Variants in GRIFIN observed in about 807,000 individuals in gnomAD.
GRIFIN encodes putative grifin.
A neutral mutation model predicts 18.2 loss-of-function variants in GRIFIN; 22 were observed. The observed-to-expected ratio is 1.21, with a 90% CI of 0.86 to 1.73. The LOEUF (loss-of-function observed/expected upper bound fraction) is 1.73, where lower values mean the gene tolerates loss of function less well. Among genes scored for constraint, GRIFIN ranks in the 40% most tolerant of loss-of-function variants. GRIFIN has a pLI of 0.00. For missense variants in GRIFIN, 200 were observed against 190.1 expected (o/e 1.05, Z -0.31); for synonymous variants, 101 against 82.8 (o/e 1.22, Z -1.19).
chr7:2,475,716 C>T lies in GRIFIN; in HGVS notation c.205G>A (p.Glu69Lys), dbSNP rs773261909. 1.3e-4 allele frequency: 201 copies of T among 1,549,418 alleles called. No individual in the cohort carries two copies. The highest frequency in any genetic ancestry group is 1.7e-4 in the Non-Finnish European group (196 of 1,152,418). The change falls in exon 3 of 5, where the codon GAG becomes AAG. Residue 69 changes from glutamate to lysine, a missense_variant. Transcript: ENST00000614228. ...AGCGGGAAGATGCTAGACACCTGCT[C>T]CGGGCCCCAGCGGCCGTACTGGAAG... The part of the protein sequence containing the change: ...NAFQYGRWGP[E>K]QVSSIFPLAP...
Position 2,475,880 on chromosome 7 carries a change from C to T in GRIFIN, c.92+40G>A, listed in dbSNP as rs1411284888. The T allele has an allele frequency of 1.9e-6, 3 of 1,588,924 alleles. No individual in the cohort carries two copies. The East Asian group carries it at 6.7e-5, about 36-fold the overall frequency. On this transcript the variant is annotated intron_variant, in intron 2 of 4. Transcript: ENST00000614228. Reference sequence around the variant, plus strand: ...AGCTGCAAAGAGCTGGGCCGGCCACCCAGCCCAAGGCCCAGCGAGGGGAGG... The same window carrying T: ...AGCTGCAAAGAGCTGGGCCGGCCACTCAGCCCAAGGCCCAGCGAGGGGAGG...
intron 1 of GRIFIN, 91 bp from the exon 2 acceptor site, chr7:2,476,090 G>T (rs1562535733): frequency 1.3e-5 from 14 of 1,091,572 alleles, no homozygotes; most frequent in Non-Finnish European, 1.7e-5. Context: ...TGTCCAGGAA[G>T]GTCCCTGCCC....
chr7:2,475,516 C>T, intron 3 of GRIFIN, 153 bp downstream of exon 3: 2 of 1,168,192 alleles, frequency 1.7e-6, no homozygotes, highest in Non-Finnish European at 2.3e-6. Context: ...GTACCTACTG[C>T]ACACGTAGGG....
At position 2,476,368 on chromosome 7, in the gene GRIFIN, C is replaced by G; in HGVS notation, c.12+4G>C. 1 of 1,577,850 alleles carries G rather than the reference C, an allele frequency of 6.3e-7. No homozygotes were observed. The highest frequency in any genetic ancestry group is 8.5e-7 in the Non-Finnish European group (1 of 1,170,882). On this transcript the variant is annotated splice_donor_region_variant and intron_variant, in intron 1 of 4. Transcript: ENST00000614228. Reference sequence around the variant, plus strand: ...TCCTTCTCCAGGTCCAGGGTCTCACCCACCTGCACTGCCATCTGCTCCCAG... The same window carrying G: ...TCCTTCTCCAGGTCCAGGGTCTCACGCACCTGCACTGCCATCTGCTCCCAG...
In GRIFIN at chr7:2,474,746, T is replaced by A. The variant is rs1407788219; in HGVS notation, c.*124A>T. On this transcript the variant is annotated 3_prime_UTR_variant, in exon 5 of 5. Transcript: ENST00000614228. ...CGCCTGCAGCCTTCTCAGAGTTTAT[T>A]GAAGGTGGAGCTGCGAGGAGCACAC... 4.9e-6 allele frequency: 2 copies of A among 411,982 alleles called. No individual in the cohort carries two copies. The highest frequency in any genetic ancestry group is 8.6e-6 in the Non-Finnish European group (2 of 233,890). 25.5% of individuals were successfully genotyped at this position (411,982 alleles called of 1,614,324 possible). A position where few individuals can be genotyped will look rare whatever the true frequency, so the allele number is the denominator to read the frequency against.
chr7:2,476,391 C>T lies in GRIFIN; in HGVS notation c.-8G>A, dbSNP rs1401398423. The stretch of plus-strand genomic sequence containing the variant: ...ACCCACCTGCACTGCCATCTGCTCC[C>T]AGCCACTGTGGGAGGGCGCGGGGAG... On this transcript the variant is annotated 5_prime_UTR_variant, in exon 1 of 5. Transcript: ENST00000614228. The T allele has an allele frequency of 2.5e-6, 4 of 1,578,888 alleles. No homozygotes were observed. Among genetic ancestry groups the T allele is most frequent in the Non-Finnish European group, 3.4e-6 (4 of 1,171,576 alleles).
At chr7:2,475,390 C>G in intron 3 of GRIFIN, 83 bp from the exon 4 acceptor site, 1 of 1,471,058 alleles carries the variant, frequency 6.8e-7, no homozygotes, top group Non-Finnish European at 9.1e-7. Flanking sequence ...ATGTGCCTGC[C>G]GGCCGTCTCC....
At chr7:2,476,349 TC>T in intron 1 of GRIFIN, 22 bp downstream of exon 1, 1 of 1,566,668 alleles carries the variant, frequency 6.4e-7, no homozygotes, top group Non-Finnish European at 8.6e-7. Context: ...GTTCTCCTTC[TC>T]CAGGTCCAGG....
At chr7:2,475,335 G>A in intron 3 of GRIFIN, 28 bp from the exon 4 acceptor site, 1 of 1,573,890 alleles carries the variant, frequency 6.4e-7, no homozygotes, top group Non-Finnish European at 8.6e-7. Flanking sequence ...AGTGACCTCA[G>A]TGCCAGCCCC....
intron 1 of GRIFIN, 172 bp downstream of exon 1, chr7:2,476,200 C>T (rs924906579): frequency 1.2e-5 from 5 of 404,088 alleles, no homozygotes; most frequent in Non-Finnish European, 1.3e-5. Context: ...GAGGGACACA[C>T]CTGCCCAGCA....
rs1232786444 is a variant in GRIFIN at position 2,475,200 on chromosome 7, G to A, written c.360C>T (p.Arg120=). The change falls in exon 4 of 5, where the codon CGC becomes CGT. Residue 120 remains arginine, a synonymous_variant. Transcript: ENST00000614228. The part of the protein sequence containing the change: ...QRPLGATTRV[R]VLSDHCLAQV... ...GGGCCAGGCAGTGGTCACTCAGCAC[G>A]CGCACCCTGGTGGTGGCGCCCAGCG... is the stretch of plus-strand genomic sequence containing the variant. 16 of 1,595,152 alleles carry A rather than the reference G, an allele frequency of 1.0e-5. No homozygotes were observed. In the Admixed American group the frequency reaches 1.2e-4, roughly 12 times the overall value.
chr7:2,476,051 TCCCACC>T, intron 1 of GRIFIN, 52 bp from the exon 2 acceptor site: 16 of 1,290,674 alleles, frequency 1.2e-5, no homozygotes, highest in East Asian at 2.9e-5. Flanking sequence ...GCCTCCTCCC[TCCCACC>T]CCCACCCCCA....
At chr7:2,475,521 G>T (rs1269342934) in intron 3 of GRIFIN, 148 bp downstream of exon 3, 3 of 1,179,630 alleles carry the variant, frequency 2.5e-6, no homozygotes, top group African/African-American at 3.7e-5. Flanking sequence ...TACTGCACAC[G>T]TAGGGAAACT....
chr7:2,476,294 T>C, intron 1 of GRIFIN, 78 bp downstream of exon 1: 1 of 1,473,732 alleles, frequency 6.8e-7, no homozygotes, highest in Non-Finnish European at 9.2e-7. Context: ...CCCATCTCTG[T>C]GCAGAGAGAG....
intron 1 of GRIFIN, 71 bp from the exon 2 acceptor site, chr7:2,476,070 C>A: frequency 7.7e-7 from 1 of 1,300,976 alleles, no homozygotes; most frequent in Non-Finnish European, 1.1e-6. Context: ...CACCCCCACC[C>A]TATCCCATCT....
intron 2 of GRIFIN, 24 bp downstream of exon 2, chr7:2,475,896 C>A (rs774342135): frequency 1.3e-6 from 2 of 1,594,806 alleles, no homozygotes; most frequent in Admixed American, 3.3e-5. Flanking sequence ...CAAGGCCCAG[C>A]GAGGGGAGGG....
chr7:2,474,805 G>A lies in GRIFIN; in HGVS notation c.*65C>T. The A allele has an allele frequency of 2.1e-6, 1 of 466,862 alleles. No individual in the cohort carries two copies. The highest frequency in any genetic ancestry group is 3.8e-6 in the Non-Finnish European group (1 of 263,296). 28.9% of individuals were successfully genotyped at this position (466,862 alleles called of 1,614,324 possible). A position where few individuals can be genotyped will look rare whatever the true frequency, so the allele number is the denominator to read the frequency against. Reference sequence around the variant, plus strand: ...AGACCCCCTCACCCAGCTGCCCCAGGGTGGGACTCCAGGTACCCTGGACAT... The same window carrying A: ...AGACCCCCTCACCCAGCTGCCCCAGAGTGGGACTCCAGGTACCCTGGACAT... On this transcript the variant is annotated 3_prime_UTR_variant, in exon 5 of 5. Transcript: ENST00000614228.
chr7:2,475,617 T>A lies in GRIFIN; in HGVS notation c.252+52A>T, dbSNP rs879065457. Reference sequence around the variant, plus strand: ...AACCCGCTGCCCACTGGCCCCCTGTTCCCCCACGGGCCTTCCCTGCCTAGC... The same window carrying A: ...AACCCGCTGCCCACTGGCCCCCTGTACCCCCACGGGCCTTCCCTGCCTAGC... On this transcript the variant is annotated intron_variant, in intron 3 of 4. Transcript: ENST00000614228. The A allele has an allele frequency of 2.1e-6, 3 of 1,432,546 alleles. No individual in the cohort carries two copies. In the South Asian group the frequency reaches 4.4e-5, roughly 21 times the overall value. The allele number at this position is 1,432,546 out of a possible 1,614,324, so 88.7% of individuals were successfully genotyped here.
rs1778927757 is a variant in GRIFIN, at chr7:2,474,859, G to A, written c.*11C>T. On this transcript the variant is annotated 3_prime_UTR_variant, in exon 5 of 5. Coordinates refer to ENST00000614228, the MANE Select transcript of GRIFIN (RefSeq NM_001394787.1). ...ACAAGCCGAGGCTGGCTCCTGGGGT[G>A]CAGGTGTCACTCAGTAGCCCCGGTC... 1 of 523,080 alleles carries A rather than the reference G, an allele frequency of 1.9e-6. No individual in the cohort carries two copies. Among genetic ancestry groups the A allele is most frequent in the Non-Finnish European group, 3.4e-6 (1 of 292,998 alleles). 32.4% of individuals were successfully genotyped at this position (523,080 alleles called of 1,614,324 possible). A position where few individuals can be genotyped will look rare whatever the true frequency, so the allele number is the denominator to read the frequency against.
Sources: gnomAD v4.1 joint callset for allele counts on GRCh38, gnomAD v4.1.1 for gene constraint, MANE v1.5 for transcripts, NCBI Gene and HGNC (gene_info 2026-07-23, HGNC 2026-07-21) for gene names.